The following TMEM196 variants were observed in gnomAD, a reference collection of about 807,000 sequenced individuals.
TMEM196 encodes the protein transmembrane protein 196.
TMEM196 carries 17 observed loss-of-function variants against 20.0 expected under a neutral mutation model. The observed-to-expected ratio is 0.85, with a 90% CI of 0.58 to 1.27. The LOEUF is 1.27. Among genes scored for constraint, TMEM196 ranks in the 50% most tolerant of loss-of-function variants. The pLI, the probability that TMEM196 is intolerant of heterozygous loss-of-function variation, is 0.00. For missense variants in TMEM196, 267 were observed against 223.0 expected (o/e 1.20, Z -1.26); for synonymous variants, 113 against 88.9 (o/e 1.27, Z -1.52).
chr7:19,770,594 T>G (rs1211698232), intron 1 of TMEM196, among the ~76,000 whole-genome samples: 1 of 152,198 alleles, frequency 6.6e-6, no homozygotes, highest in Admixed American at 6.5e-5. Context: ...GTCAGATGTA[T>G]TGTTTGATTT....
At chr7:19,762,107 C>T (rs932932816) in intron 1 of TMEM196, among the ~76,000 whole-genome samples, 1 of 151,950 alleles carries the variant, frequency 6.6e-6, no homozygotes, top group Non-Finnish European at 1.5e-5. Flanking sequence ...AAAATCATAA[C>T]CAAACTTGTG....
chr7:19,731,646 A>G (rs1784206734), intron 1 of TMEM196, among the ~76,000 whole-genome samples: 1 of 152,220 alleles, frequency 6.6e-6, no homozygotes, highest in Non-Finnish European at 1.5e-5. Context: ...AAACACTGCC[A>G]TTATTCATTT....
At chr7:19,769,460 G>A (rs1785772575) in intron 1 of TMEM196, among the ~76,000 whole-genome samples, 1 of 151,954 alleles carries the variant, frequency 6.6e-6, no homozygotes, top group Non-Finnish European at 1.5e-5. Context: ...AAATGGAAGA[G>A]CCTACTCTTC....
At chr7:19,759,144 C>G (rs967199751) in intron 1 of TMEM196, among the ~76,000 whole-genome samples, 1 of 152,146 alleles carries the variant, frequency 6.6e-6, no homozygotes, top group Non-Finnish European at 1.5e-5. Context: ...ACCACTAAGC[C>G]TCTTGTTTAC....
chr7:19,760,550 G>A (rs1321606804), intron 1 of TMEM196, among the ~76,000 whole-genome samples: 2 of 151,568 alleles, frequency 1.3e-5, no homozygotes. Flanking sequence ...TGGTAGAGCC[G>A]AGGTTTCATC....
chr7:19,753,095 G>T (rs1288655355), intron 1 of TMEM196, among the ~76,000 whole-genome samples: 4 of 151,838 alleles, frequency 2.6e-5, no homozygotes, highest in Non-Finnish European at 5.9e-5. Context: ...TTCTCTTCTT[G>T]GACAGTTTTA....
chr7:19,751,361 TA>T (rs1784954291), intron 1 of TMEM196, among the ~76,000 whole-genome samples: 1 of 152,198 alleles, frequency 6.6e-6, no homozygotes, highest in South Asian at 2.1e-4. Flanking sequence ...GTTTGGAATA[TA>T]AAACCAGCAC....
intron 1 of TMEM196, among the ~76,000 whole-genome samples, chr7:19,732,156 G>A (rs768539581): frequency 6.6e-6 from 1 of 152,156 alleles, no homozygotes; most frequent in East Asian, 1.9e-4. Flanking sequence ...TTAATCCCTC[G>A]AAGTTTACAC....
At chr7:19,739,502 G>T (rs1318544373) in intron 1 of TMEM196, among the ~76,000 whole-genome samples, 1 of 152,082 alleles carries the variant, frequency 6.6e-6, no homozygotes, top group Non-Finnish European at 1.5e-5. Flanking sequence ...CATCTCTTCA[G>T]TTACCTGAAG....
At chr7:19,739,315 T>TA (rs1324546180) in intron 1 of TMEM196, among the ~76,000 whole-genome samples, 1 of 152,112 alleles carries the variant, frequency 6.6e-6, no homozygotes, top group Admixed American at 6.6e-5. Context: ...ATGCCAGTGA[T>TA]AAAATTCCTA....
intron 4 of TMEM196, 117 bp from the exon 5 acceptor site, chr7:19,722,251 G>A: frequency 1.3e-6 from 1 of 795,030 alleles, no homozygotes; most frequent in Non-Finnish European, 2.0e-6. Context: ...AAGTTTTGGG[G>A]AAAGACAAGG....
At chr7:19,739,824 C>G (rs1784526492) in intron 1 of TMEM196, among the ~76,000 whole-genome samples, 1 of 152,076 alleles carries the variant, frequency 6.6e-6, no homozygotes, top group Non-Finnish European at 1.5e-5. Context: ...TGGCAGAAAT[C>G]CTTTGATGCT....
At chr7:19,738,861 A>G (rs1404380263) in intron 1 of TMEM196, among the ~76,000 whole-genome samples, 1 of 152,170 alleles carries the variant, frequency 6.6e-6, no homozygotes, top group Non-Finnish European at 1.5e-5. Context: ...TTTGCTCTCA[A>G]AGAAGTGGAG....
intron 2 of TMEM196, among the ~76,000 whole-genome samples, chr7:19,728,549 T>A (rs1298190402): frequency 6.6e-6 from 1 of 152,142 alleles, no homozygotes; most frequent in Admixed American, 6.5e-5. Flanking sequence ...ATAACTGCAA[T>A]GCTTCCCATT....
intron 1 of TMEM196, among the ~76,000 whole-genome samples, chr7:19,758,033 T>C (rs1406091531): frequency 6.6e-6 from 1 of 151,800 alleles, no homozygotes; most frequent in Non-Finnish European, 1.5e-5. Flanking sequence ...AATTCATATA[T>C]ATTTGAATTA....
chr7:19,770,494 G>C (rs1278751673), intron 1 of TMEM196, among the ~76,000 whole-genome samples: 1 of 152,102 alleles, frequency 6.6e-6, no homozygotes, highest in East Asian at 1.9e-4. Flanking sequence ...TCCCAACTGG[G>C]TATTTGTTTC....
At chr7:19,755,117 T>C (rs1785151343) in intron 1 of TMEM196, among the ~76,000 whole-genome samples, 1 of 152,214 alleles carries the variant, frequency 6.6e-6, no homozygotes, top group Admixed American at 6.5e-5. Flanking sequence ...AAATTTCTTT[T>C]TGAACATCAG....
At chr7:19,768,981 A>T (rs1207510618) in intron 1 of TMEM196, among the ~76,000 whole-genome samples, 1 of 152,110 alleles carries the variant, frequency 6.6e-6, no homozygotes, top group Non-Finnish European at 1.5e-5. Flanking sequence ...ACCTTAATGC[A>T]CTTGTCCTAG....
intron 1 of TMEM196, among the ~76,000 whole-genome samples, chr7:19,731,521 A>G (rs1321156710): frequency 2.6e-5 from 4 of 152,158 alleles, no homozygotes; most frequent in African/African-American, 9.6e-5. Flanking sequence ...TCTTCTCCTT[A>G]AGTTTCCCTG....
Sources: gnomAD v4.1 joint callset for allele counts (sites outside exome capture counted in the v4.1 genomes callset) on GRCh38, gnomAD v4.1.1 for gene constraint, MANE v1.5 for transcripts, NCBI Gene and HGNC (gene_info 2026-07-23, HGNC 2026-07-21) for gene names.